The following TMEM178B variants were observed in gnomAD, a reference collection of about 807,000 sequenced individuals.
TMEM178B encodes transmembrane protein 178B.
Under a neutral mutation model 31.0 loss-of-function variants are expected in TMEM178B, and 5 were observed. That is an observed-to-expected ratio of 0.16 (90% confidence interval 0.08 to 0.34). The LOEUF is 0.34. Among genes scored for constraint, TMEM178B ranks in the 10% least tolerant of loss-of-function variants. TMEM178B has a pLI of 1.00. For synonymous variants in TMEM178B, 164 were observed against 164.0 expected (o/e 1.00, Z 0.00); for missense variants, 275 against 400.3 (o/e 0.69, Z 2.67).
chr7:141,351,454 G>C (rs1799720938), intron 2 of TMEM178B, among the ~76,000 whole-genome samples: 1 of 152,240 alleles, frequency 6.6e-6, no homozygotes, highest in Non-Finnish European at 1.5e-5. Context: ...CTGAGAGAGA[G>C]CAGCAGTGTG....
intron 3 of TMEM178B, among the ~76,000 whole-genome samples, chr7:141,450,297 G>T (rs949418798): frequency 6.6e-6 from 1 of 152,222 alleles, no homozygotes; most frequent in Admixed American, 6.5e-5. Context: ...CCCAATGCTT[G>T]TTATTCATGA....
intron 2 of TMEM178B, among the ~76,000 whole-genome samples, chr7:141,244,030 C>T (rs1051577273): frequency 2.6e-5 from 4 of 152,202 alleles, no homozygotes; most frequent in South Asian, 2.1e-4. Flanking sequence ...TTTGGGGGAG[C>T]GTTTTGTGCA....
chr7:141,485,788 G>A, the TMEM178B span, among the ~76,000 whole-genome samples: 7 of 152,238 alleles, frequency 4.6e-5, no homozygotes, highest in Non-Finnish European at 8.8e-5. Context: ...ATGTCAGGGT[G>A]TGATGCCACT....
intron 2 of TMEM178B, among the ~76,000 whole-genome samples, chr7:141,221,836 C>T (rs1305128851): frequency 6.6e-6 from 1 of 152,222 alleles, no homozygotes; most frequent in Non-Finnish European, 1.5e-5. Context: ...CTACCAGCGT[C>T]AAGGGCAGTG....
intron 3 of TMEM178B, among the ~76,000 whole-genome samples, chr7:141,446,663 G>A (rs1236040943): frequency 6.6e-6 from 1 of 152,164 alleles, no homozygotes; most frequent in Non-Finnish European, 1.5e-5. Flanking sequence ...GACCAAAAGA[G>A]TCTTGGACTA....
intron 1 of TMEM178B, among the ~76,000 whole-genome samples, chr7:141,151,926 C>T (rs529234101): frequency 2.5e-4 from 38 of 152,254 alleles, no homozygotes; most frequent in Admixed American, 9.8e-4. Flanking sequence ...CCAGGATTCA[C>T]GGGTGCAGCC....
the TMEM178B span, among the ~76,000 whole-genome samples, chr7:141,495,086 G>T: frequency 6.6e-6 from 1 of 152,084 alleles, no homozygotes; most frequent in Non-Finnish European, 1.5e-5. Flanking sequence ...CCAAATAACA[G>T]ACTATAAGAT....
rs1427375112 is a variant in TMEM178B at position 141,479,235 on chromosome 7, A to G, written c.*8449A>G. The G allele has an allele frequency of 6.6e-6, 1 of 152,152 alleles. No homozygotes were observed. Among genetic ancestry groups the G allele is most frequent in the Admixed American group, 6.5e-5 (1 of 15,270 alleles). The allele number at this position is 152,152 out of a possible 1,614,324, so 9.4% of individuals were successfully genotyped here. A position where few individuals can be genotyped will look rare whatever the true frequency, so the allele number is the denominator to read the frequency against. On this transcript the variant is annotated 3_prime_UTR_variant, in exon 4 of 4. Coordinates refer to ENST00000565468, the MANE Select transcript of TMEM178B (RefSeq NM_001195278.2). The stretch of plus-strand genomic sequence containing the variant: ...TGTCAAGAACAAAGATCTCTACAAC[A>G]TTTCGTCACCTGGGCCAGTCACCTG...
chr7:141,450,031 C>G (rs1408087533), intron 3 of TMEM178B, among the ~76,000 whole-genome samples: 1 of 152,196 alleles, frequency 6.6e-6, no homozygotes, highest in Non-Finnish European at 1.5e-5. Flanking sequence ...AATGGTTTGC[C>G]TTTACTCACC....
intron 1 of TMEM178B, among the ~76,000 whole-genome samples, chr7:141,175,570 G>A (rs757917099): frequency 6.6e-6 from 1 of 152,136 alleles, no homozygotes; most frequent in East Asian, 1.9e-4. Context: ...TCATTTTGAC[G>A]ATACTGGTTT....
intron 2 of TMEM178B, among the ~76,000 whole-genome samples, chr7:141,369,687 A>G (rs1418693063): frequency 6.6e-6 from 1 of 152,184 alleles, no homozygotes; most frequent in African/African-American, 2.4e-5. Context: ...ACTTCAGACA[A>G]ATACATTCTG....
intron 2 of TMEM178B, among the ~76,000 whole-genome samples, chr7:141,339,681 G>A (rs1254694104): frequency 1.3e-5 from 2 of 152,234 alleles, no homozygotes; most frequent in African/African-American, 4.8e-5. Context: ...TCAAGGATAT[G>A]TGGCCTTTGG....
intron 2 of TMEM178B, among the ~76,000 whole-genome samples, chr7:141,379,957 G>C (rs1800285139): frequency 6.6e-6 from 1 of 152,182 alleles, no homozygotes; most frequent in South Asian, 2.1e-4. Flanking sequence ...CTTTGGAAAT[G>C]AATGTAAATT....
intron 1 of TMEM178B, among the ~76,000 whole-genome samples, chr7:141,126,326 AT>A (rs1284110064): frequency 6.6e-6 from 1 of 151,920 alleles, no homozygotes; most frequent in Non-Finnish European, 1.5e-5. Flanking sequence ...TGAATGGGAG[AT>A]TGGGCAGGAG....
intron 1 of TMEM178B, among the ~76,000 whole-genome samples, chr7:141,189,563 C>T (rs543072857): frequency 9.8e-5 from 15 of 152,304 alleles, no homozygotes; most frequent in Non-Finnish European, 2.1e-4. Context: ...CTGAAGCGGT[C>T]ATCACAGTCA....
chr7:141,424,025 T>G (rs1801268584), intron 2 of TMEM178B, among the ~76,000 whole-genome samples: 1 of 149,436 alleles, frequency 6.7e-6, no homozygotes, highest in Non-Finnish European at 1.5e-5. Context: ...ACCATGTTGG[T>G]CAGGCTGGTC....
chr7:141,144,677 A>G (rs1285435104), intron 1 of TMEM178B, among the ~76,000 whole-genome samples: 1 of 152,168 alleles, frequency 6.6e-6, no homozygotes, highest in Non-Finnish European at 1.5e-5. Context: ...GGACACAGGA[A>G]TAGTCCTTTA....
intron 1 of TMEM178B, among the ~76,000 whole-genome samples, chr7:141,084,057 G>A (rs1468200168): frequency 1.3e-5 from 2 of 152,046 alleles, no homozygotes; most frequent in African/African-American, 2.4e-5. Context: ...TGCCTGCCTC[G>A]GCCTCCAAAA....
chr7:141,212,829 A>G, intron 2 of TMEM178B, 125 bp downstream of exon 2: 3 of 735,740 alleles, frequency 4.1e-6, no homozygotes, highest in Admixed American at 2.5e-5. Flanking sequence ...ATGGTTCCAT[A>G]AAGTGCCAAT....
Sources: allele counts gnomAD v4.1 joint callset (sites outside exome capture counted in the v4.1 genomes callset), GRCh38; gene constraint gnomAD v4.1.1; transcripts MANE v1.5; gene names NCBI Gene and HGNC (gene_info 2026-07-23, HGNC 2026-07-21).